Variants in SRGAP1 observed in about 807,000 individuals in gnomAD.
SRGAP1 encodes SLIT-ROBO Rho GTPase-activating protein 1.
Under a neutral mutation model 121.9 loss-of-function variants are expected in SRGAP1, and 43 were observed. That is an observed-to-expected ratio of 0.35 (90% CI 0.28 to 0.46). The LOEUF (loss-of-function observed/expected upper bound fraction) is 0.46. SRGAP1 is among the 20% of genes least tolerant of loss of function. The pLI is 1.00. For missense variants in SRGAP1, 1,102 were observed against 1,350.9 expected (o/e 0.82, Z 2.89); for synonymous variants, 447 against 485.4 (o/e 0.92, Z 1.04).
At chr12:63,902,341 C>T (rs1409419709) in intron 1 of SRGAP1, among the ~76,000 whole-genome samples, 1 of 152,168 alleles carries the variant, frequency 6.6e-6, no homozygotes, top group Non-Finnish European at 1.5e-5. Context: ...TATTAACCCT[C>T]ACAGTATTTC....
chr12:64,074,433 A>G (rs954924600), intron 8 of SRGAP1, among the ~76,000 whole-genome samples: 2 of 152,160 alleles, frequency 1.3e-5, no homozygotes, highest in African/African-American at 4.8e-5. Context: ...GTATCATACA[A>G]TGGAAAGGTC....
chr12:64,102,268 A>G (rs550168586), intron 15 of SRGAP1, among the ~76,000 whole-genome samples: 2 of 152,374 alleles, frequency 1.3e-5, no homozygotes, highest in Middle Eastern at 3.4e-3. Flanking sequence ...TGCAATTAAC[A>G]TGTTATCACT....
intron 1 of SRGAP1, among the ~76,000 whole-genome samples, chr12:63,882,671 A>T (rs1336526203): frequency 1.3e-5 from 2 of 152,242 alleles, no homozygotes; most frequent in Non-Finnish European, 2.9e-5. Flanking sequence ...TTAAAAAATC[A>T]TATTGAATAT....
At chr12:64,059,152 A>G (rs789717) in intron 6 of SRGAP1, among the ~76,000 whole-genome samples, 145,171 of 152,154 alleles carry the variant, frequency 0.95, 69,597 homozygotes, top group East Asian at 1. Context: ...CGATGAAATT[A>G]TCTCTTGTTG....
intron 2 of SRGAP1, among the ~76,000 whole-genome samples, chr12:63,985,905 T>G (rs905724725): frequency 1.3e-5 from 2 of 152,202 alleles, no homozygotes; most frequent in African/African-American, 4.8e-5. Flanking sequence ...GAAGCATGCC[T>G]TTCTGTCACC....
At chr12:64,117,815 A>C (rs2036547386) in intron 18 of SRGAP1, among the ~76,000 whole-genome samples, 2 of 152,126 alleles carry the variant, frequency 1.3e-5, no homozygotes, top group Non-Finnish European at 2.9e-5. Flanking sequence ...TATGAATTGG[A>C]TTCTTTTAGA....
intron 1 of SRGAP1, among the ~76,000 whole-genome samples, chr12:63,947,990 T>C (rs1042970717): frequency 6.6e-6 from 1 of 152,202 alleles, no homozygotes; most frequent in Non-Finnish European, 1.5e-5. Context: ...AGTTTTTTTT[T>C]TCCTGAATGG....
At chr12:63,934,661 A>G (rs2031599672) in intron 1 of SRGAP1, among the ~76,000 whole-genome samples, 1 of 151,982 alleles carries the variant, frequency 6.6e-6, no homozygotes, top group Non-Finnish European at 1.5e-5. Flanking sequence ...ACCCCCCCCA[A>G]CAATCTGCTC....
At chr12:64,019,552 A>G (rs2034494396) in intron 4 of SRGAP1, among the ~76,000 whole-genome samples, 2 of 152,166 alleles carry the variant, frequency 1.3e-5, no homozygotes, top group African/African-American at 4.8e-5. Context: ...AGAGAACTTC[A>G]TATCACTCAT....
rs74097518 is a variant in SRGAP1 at position 64,021,338 on chromosome 12, G to A, written c.489+4326G>A. Among the ~76,000 whole-genome samples the A allele has an allele frequency of 4.6e-3, 706 of 152,326 alleles. 4 individuals are homozygous for A. The highest frequency in any genetic ancestry group is 0.016 in the African/African-American group (654 of 41,568). On this transcript the variant is annotated intron_variant, in intron 4 of 21. Coordinates refer to ENST00000355086, the MANE Select transcript of SRGAP1 (RefSeq NM_020762.4). ...TCTGTTCATTTGAAAGAGAAAGAGA[G>A]TGATTTGTAGCTAACTAGCCATGCC...
At chr12:64,060,642 G>T (rs1334996125) in intron 6 of SRGAP1, among the ~76,000 whole-genome samples, 1 of 152,102 alleles carries the variant, frequency 6.6e-6, no homozygotes, top group Non-Finnish European at 1.5e-5. Flanking sequence ...GGAGGGTAAA[G>T]GTTAGAATTA....
chr12:64,091,990 A>C (rs971671463), intron 12 of SRGAP1: 1 of 1,338,040 alleles, frequency 7.5e-7, no homozygotes, highest in Non-Finnish European at 1.0e-6. Flanking sequence ...AGTCGTGCTC[A>C]TGCTTGGCTT....
chr12:64,138,446 C>CTTTTTT lies in SRGAP1; in HGVS notation c.2881-3831_2881-3826dup, dbSNP rs60769104. On this transcript the variant is annotated intron_variant, in intron 21 of 21. Transcript: ENST00000355086. ...CCTTTTACTATCTGAAATAAATTGA[C>CTTTTTT]TTTTTTTTTTTTTTTTTTTTTTTGG... Among the ~76,000 whole-genome samples, 131 of 78,684 alleles carry CTTTTTT rather than the reference C, an allele frequency of 1.7e-3. 6 individuals are homozygous for CTTTTTT. Among genetic ancestry groups the CTTTTTT allele is most frequent in the African/African-American group, 6.4e-3 (115 of 18,018 alleles). The allele number at this position is 78,684 out of a possible 152,430, so 51.6% of individuals were successfully genotyped here. A position where few individuals can be genotyped will look rare whatever the true frequency, so the allele number is the denominator to read the frequency against.
At chr12:63,919,254 C>T (rs1228337711) in intron 1 of SRGAP1, among the ~76,000 whole-genome samples, 2 of 151,896 alleles carry the variant, frequency 1.3e-5, no homozygotes, top group Admixed American at 1.3e-4. Context: ...GACAGGGTTT[C>T]GCCATGTTGC....
chr12:64,003,478 G>GAAAAAAAA (rs531819299), intron 3 of SRGAP1, among the ~76,000 whole-genome samples: 3 of 42,778 alleles, frequency 7.0e-5, no homozygotes, highest in African/African-American at 1.9e-4. Context: ...GGAAGTTTCA[G>GAAAAAAAA]AAAAAAAAAA....
intron 3 of SRGAP1, among the ~76,000 whole-genome samples, chr12:63,995,034 T>C (rs571558389): frequency 5.3e-4 from 80 of 152,346 alleles, no homozygotes; most frequent in African/African-American, 1.7e-3. Flanking sequence ...CAAGGTGTTA[T>C]TTACCAATTT....
intron 4 of SRGAP1, among the ~76,000 whole-genome samples, chr12:64,028,835 C>T (rs1021536244): frequency 3.3e-5 from 5 of 152,178 alleles, no homozygotes; most frequent in South Asian, 2.1e-4. Context: ...TGGACACAAA[C>T]GTTCAGACCA....
At position 63,913,480 on chromosome 12, in the gene SRGAP1, T is replaced by TATATATATATATATATATATATGG. The variant is rs1439123798; in HGVS notation, c.67+68608_67+68609insTATATATATATGGATATATATATA. ...ATATATATATATATATATATATGGA[T>TATATATATATATATATATATATGG]ATATATATATAAATACACATATATG... is the stretch of plus-strand genomic sequence containing the variant. On this transcript the variant is annotated intron_variant, in intron 1 of 21. Transcript: ENST00000355086. 3.3e-3 allele frequency among the ~76,000 whole-genome samples: 354 copies of TATATATATATATATATATATATGG among 108,384 alleles called. 1 individual carries two copies. The highest frequency in any genetic ancestry group is 5.3e-3 in the Middle Eastern group (1 of 190). The allele number at this position is 108,384 out of a possible 152,430, so 71.1% of individuals were successfully genotyped here.
At chr12:64,099,451 A>G (rs1311858567) in intron 15 of SRGAP1, among the ~76,000 whole-genome samples, 1 of 152,182 alleles carries the variant, frequency 6.6e-6, no homozygotes, top group Non-Finnish European at 1.5e-5. Context: ...GATGAAATGA[A>G]TTGAAAAGTC....
Sources: allele counts gnomAD v4.1 joint callset (sites outside exome capture counted in the v4.1 genomes callset), GRCh38; gene constraint gnomAD v4.1.1; transcripts MANE v1.5; gene names NCBI Gene and HGNC (gene_info 2026-07-23, HGNC 2026-07-21).